PHACTR3: variants seen among roughly 807,000 people sequenced by gnomAD.
PHACTR3 encodes the protein protein phosphatase 1, regulatory subunit 123.
A neutral mutation model predicts 66.8 loss-of-function variants in PHACTR3; 16 were observed. The ratio of observed to expected loss-of-function variants is 0.24; its 90% CI spans 0.16 to 0.36. The LOEUF (loss-of-function observed/expected upper bound fraction) is 0.36, where lower values mean the gene tolerates loss of function less well. PHACTR3 is among the 10% of genes least tolerant of loss of function. The pLI is 1.00. For synonymous variants in PHACTR3, 323 were observed against 292.1 expected (o/e 1.11, Z -1.08); for missense variants, 647 against 719.9 (o/e 0.90, Z 1.16).
intron 1 of PHACTR3, among the ~76,000 whole-genome samples, chr20:59,581,471 C>A (rs563710159): frequency 6.6e-6 from 1 of 152,348 alleles, no homozygotes; most frequent in African/African-American, 2.4e-5. Flanking sequence ...TAGTCCAAAT[C>A]CCCACGCAGC....
At chr20:59,637,781 G>A (rs1011690014) in intron 1 of PHACTR3, among the ~76,000 whole-genome samples, 35 of 152,110 alleles carry the variant, frequency 2.3e-4, no homozygotes, top group African/African-American at 7.9e-4. Context: ...GGTTGATGTG[G>A]CTGCATTCTT....
At chr20:59,792,692 C>G (rs2041138661) in intron 7 of PHACTR3, among the ~76,000 whole-genome samples, 1 of 152,134 alleles carries the variant, frequency 6.6e-6, no homozygotes, top group Admixed American at 6.5e-5. Context: ...TTTTCATATA[C>G]TTATCACCAT....
At chr20:59,836,397 G>T in intron 8 of PHACTR3, 108 bp from the exon 9 acceptor site, 1 of 987,762 alleles carries the variant, frequency 1.0e-6, no homozygotes, top group Non-Finnish European at 1.5e-6. Flanking sequence ...CCAATTTTGG[G>T]AGGCGATCTA....
chr20:59,840,503 T>C (rs1486954197), intron 10 of PHACTR3, 73 bp downstream of exon 10: 1 of 1,591,440 alleles, frequency 6.3e-7, no homozygotes, highest in East Asian at 2.2e-5. Flanking sequence ...GCAGGTGGGA[T>C]GGGTAATGCT....
chr20:59,836,413 G>T (rs2058966659), intron 8 of PHACTR3, 92 bp from the exon 9 acceptor site: 1 of 1,270,872 alleles, frequency 7.9e-7, no homozygotes, highest in South Asian at 1.4e-5. Flanking sequence ...ATCTATAGGG[G>T]TTTGCCAGCC....
intron 1 of PHACTR3, among the ~76,000 whole-genome samples, chr20:59,607,567 C>A (rs1333117065): frequency 2.6e-5 from 4 of 152,258 alleles, no homozygotes; most frequent in African/African-American, 9.6e-5. Context: ...TGCAAAGACT[C>A]AAAGCATTCT....
At chr20:59,726,087 C>T (rs1261750919) in intron 1 of PHACTR3, among the ~76,000 whole-genome samples, 2 of 152,166 alleles carry the variant, frequency 1.3e-5, no homozygotes, top group Admixed American at 6.5e-5. Flanking sequence ...CCTCCAGGGT[C>T]GATGGCACGA....
intron 1 of PHACTR3, among the ~76,000 whole-genome samples, chr20:59,710,918 T>C (rs201451369): frequency 6.6e-6 from 1 of 150,628 alleles, no homozygotes. Context: ...GTCTTTTTTC[T>C]TTTTGAGTCT....
intron 4 of PHACTR3, among the ~76,000 whole-genome samples, chr20:59,765,414 A>C (rs933839545): frequency 6.6e-5 from 10 of 152,166 alleles, no homozygotes; most frequent in Non-Finnish European, 1.0e-4. Flanking sequence ...ACTTCATAAC[A>C]CAGAGCTGAG....
At chr20:59,770,581 T>A (rs749642568) in intron 5 of PHACTR3, among the ~76,000 whole-genome samples, 16 of 152,320 alleles carry the variant, frequency 1.1e-4, no homozygotes, top group Non-Finnish European at 2.1e-4. Flanking sequence ...AAGATCAGGG[T>A]GCCGGCAGAT....
intron 1 of PHACTR3, among the ~76,000 whole-genome samples, chr20:59,587,873 A>C (rs749315411): frequency 2.6e-5 from 4 of 152,178 alleles, no homozygotes; most frequent in Non-Finnish European, 2.9e-5. Flanking sequence ...GAATCCTCTC[A>C]GCCTTCAAAT....
intron 2 of PHACTR3, among the ~76,000 whole-genome samples, chr20:59,743,492 C>A (rs1014724132): frequency 2.0e-5 from 3 of 152,334 alleles, no homozygotes; most frequent in South Asian, 4.1e-4. Context: ...CCAGGCACCC[C>A]ATGTGGGACG....
chr20:59,640,116 C>T (rs1285317332), intron 1 of PHACTR3, among the ~76,000 whole-genome samples: 2 of 152,228 alleles, frequency 1.3e-5, no homozygotes, highest in Non-Finnish European at 2.9e-5. Flanking sequence ...GGATTCAGAC[C>T]TACTTGTCTC....
intron 7 of PHACTR3, among the ~76,000 whole-genome samples, chr20:59,797,202 G>A (rs181028662): frequency 2.0e-5 from 3 of 152,148 alleles, no homozygotes; most frequent in African/African-American, 7.2e-5. Flanking sequence ...ATGACTCTTT[G>A]TTGACTTTCT....
At chr20:59,658,734 A>G (rs2035708584) in intron 1 of PHACTR3, among the ~76,000 whole-genome samples, 1 of 152,188 alleles carries the variant, frequency 6.6e-6, no homozygotes, top group South Asian at 2.1e-4. Flanking sequence ...ATTATTTTTG[A>G]CAATGTCCAG....
chr20:59,788,809 C>T (rs1201087054), intron 7 of PHACTR3, among the ~76,000 whole-genome samples: 4 of 152,204 alleles, frequency 2.6e-5, no homozygotes, highest in Non-Finnish European at 4.4e-5. Flanking sequence ...CAGCTAATGT[C>T]ATCTCCATGT....
chr20:59,778,005 A>G (rs1322965046), intron 7 of PHACTR3, among the ~76,000 whole-genome samples: 1 of 152,066 alleles, frequency 6.6e-6, no homozygotes, highest in African/African-American at 2.4e-5. Flanking sequence ...ATTTCAATCA[A>G]TACATCTAAG....
chr20:59,802,216 G>T (rs143038756), intron 7 of PHACTR3, among the ~76,000 whole-genome samples: 4 of 152,354 alleles, frequency 2.6e-5, no homozygotes, highest in African/African-American at 4.8e-5. Context: ...GGTGTCTGGA[G>T]ATGGAAATCT....
At chr20:59,775,926 C>T (rs1182487) in intron 7 of PHACTR3, among the ~76,000 whole-genome samples, 92,863 of 152,058 alleles carry the variant, frequency 0.61, 30,139 homozygotes, top group Non-Finnish European at 0.71. Context: ...ATTAGGATAT[C>T]CTGCAGCATC....
Sources: allele counts gnomAD v4.1 joint callset (sites outside exome capture counted in the v4.1 genomes callset), GRCh38; gene constraint gnomAD v4.1.1; transcripts MANE v1.5; gene names NCBI Gene and HGNC (gene_info 2026-07-23, HGNC 2026-07-21).